Variants in SLC2A1 observed in about 807,000 individuals in gnomAD.
SLC2A1 encodes the protein solute carrier family 2, facilitated glucose transporter member 1.
Under a neutral mutation model 46.6 loss-of-function variants are expected in SLC2A1, and 4 were observed. The ratio of observed to expected loss-of-function variants is 0.09; its 90% CI spans 0.04 to 0.20. The LOEUF (loss-of-function observed/expected upper bound fraction) is 0.20. Among genes scored for constraint, SLC2A1 ranks in the 10% least tolerant of loss-of-function variants. The probability of loss-of-function intolerance (pLI) is 1.00; values close to 1 mark genes in which losing one functional copy is unlikely to be tolerated. For synonymous variants in SLC2A1, 253 were observed against 270.0 expected (o/e 0.94, Z 0.62); for missense variants, 352 against 667.0 (o/e 0.53, Z 5.20).
intron 1 of SLC2A1, among the ~76,000 whole-genome samples, chr1:42,945,900 A>G (rs1643650680): frequency 6.6e-6 from 1 of 152,224 alleles, no homozygotes; most frequent in African/African-American, 2.4e-5. Flanking sequence ...GGAATCACCT[A>G]TTCAAAATAA....
At chr1:42,949,689 A>AGCT (rs1177701213) in intron 1 of SLC2A1, among the ~76,000 whole-genome samples, 6 of 152,266 alleles carry the variant, frequency 3.9e-5, no homozygotes, top group Admixed American at 2.0e-4. Flanking sequence ...CAGCAGCAGC[A>AGCT]GCGAGCTGAG....
intron 2 of SLC2A1, among the ~76,000 whole-genome samples, chr1:42,932,810 G>C (rs1294798995): frequency 6.6e-6 from 1 of 152,196 alleles, no homozygotes; most frequent in African/African-American, 2.4e-5. Context: ...TGGGTGCTCA[G>C]CCTCTAGCCA....
intron 1 of SLC2A1, among the ~76,000 whole-genome samples, chr1:42,946,687 G>C (rs1234361919): frequency 1.4e-5 from 2 of 144,192 alleles, no homozygotes; most frequent in Non-Finnish European, 3.1e-5. Flanking sequence ...AAGAAATGGG[G>C]ACCAGTCAGA....
rs763741078 is a variant in SLC2A1, at chr1:42,929,837, CAG to C, written c.679+34_679+35del. On this transcript the variant is annotated intron_variant, in intron 5 of 9. Transcript: ENST00000426263. The surrounding 1 kb of genome is among the most constrained non-coding windows in gnomAD (Gnocchi z 6.0). ...TCAGAGTGGGAAGAAGGCCAGGGCT[CAG>C]GGAGTGGGGAGGAGGGCAGGGCCAT... The C allele has an allele frequency of 5.6e-5, 91 of 1,613,978 alleles. No individual in the cohort carries two copies. The highest frequency in any genetic ancestry group is 7.5e-5 in the Non-Finnish European group (88 of 1,180,002).
rs149912919 is a variant in SLC2A1, at chr1:42,926,549, C to T, written c.*492G>A. The T allele has an allele frequency of 1.8e-5, 7 of 381,984 alleles. No homozygotes were observed. The East Asian group carries it at 4.6e-4, about 25-fold the overall frequency. 23.7% of individuals were successfully genotyped at this position (381,984 alleles called of 1,614,324 possible). A position where few individuals can be genotyped will look rare whatever the true frequency, so the allele number is the denominator to read the frequency against. On this transcript the variant is annotated 3_prime_UTR_variant, in exon 10 of 10. Coordinates refer to ENST00000426263, the MANE Select transcript of SLC2A1 (RefSeq NM_006516.4). Reference sequence around the variant, plus strand: ...GGGCAAATCCTAATGGAGCCTGACCCCTAGAGTGGGGAGATCCAGGCCAGC... The same window carrying T: ...GGGCAAATCCTAATGGAGCCTGACCTCTAGAGTGGGGAGATCCAGGCCAGC...
At chr1:42,950,932 G>A (rs1430493858) in intron 1 of SLC2A1, among the ~76,000 whole-genome samples, 9 of 152,144 alleles carry the variant, frequency 5.9e-5, no homozygotes, top group African/African-American at 1.9e-4. Context: ...CCGAGATCGC[G>A]CCATTGCACT....
chr1:42,943,201 A>G, intron 2 of SLC2A1, 25 bp downstream of exon 2: 1 of 1,515,360 alleles, frequency 6.6e-7, no homozygotes, highest in South Asian at 1.1e-5. Context: ...TGGTGTCCAT[A>G]AGCCAACGAT....
intron 1 of SLC2A1, among the ~76,000 whole-genome samples, chr1:42,945,756 A>T (rs1305432506): frequency 6.6e-6 from 1 of 151,310 alleles, no homozygotes; most frequent in Non-Finnish European, 1.5e-5. Flanking sequence ...AAAAAAAACA[A>T]AAAACAAAAA....
chr1:42,926,903 C>A lies in SLC2A1; in HGVS notation c.*138G>T. Reference sequence around the variant, plus strand: ...AAGTCCTGAATATTCTTCTGGACATCATTGCTGGCTGGAGAAAGGAGCCCC... The same window carrying A: ...AAGTCCTGAATATTCTTCTGGACATAATTGCTGGCTGGAGAAAGGAGCCCC... On this transcript the variant is annotated 3_prime_UTR_variant, in exon 10 of 10. Transcript: ENST00000426263. 6.6e-7 allele frequency: 1 copy of A among 1,511,522 alleles called. No homozygotes were observed. The highest frequency in any genetic ancestry group is 8.8e-7 in the Non-Finnish European group (1 of 1,136,582). 93.6% of individuals were successfully genotyped at this position (1,511,522 alleles called of 1,614,324 possible). A position where few individuals can be genotyped will look rare whatever the true frequency, so the allele number is the denominator to read the frequency against.
In SLC2A1 at chr1:42,954,244, C is replaced by T. The variant is rs1188332689; in HGVS notation, c.18+4390G>A. The stretch of plus-strand genomic sequence containing the variant: ...AAAAAAAAAACACAGCTAGGCCAGG[C>T]GCGGTGGCTCACACCTGTAATCCCA... On this transcript the variant is annotated intron_variant, in intron 1 of 9. Transcript: ENST00000426263. This position sits in a 1 kb window ranked among gnomAD's most constrained non-coding sequence, Gnocchi z 4.2. Among the ~76,000 whole-genome samples, 2 of 151,992 alleles carry T rather than the reference C, an allele frequency of 1.3e-5. No homozygotes were observed. The highest frequency in any genetic ancestry group is 6.6e-5 in the Admixed American group (1 of 15,254).
rs936958210 is a variant in SLC2A1 at position 42,954,807 on chromosome 1, G to A, written c.18+3827C>T. Among the ~76,000 whole-genome samples, 1 of 152,232 alleles carries A rather than the reference G, an allele frequency of 6.6e-6. No individual in the cohort carries two copies. Among genetic ancestry groups the A allele is most frequent in the African/African-American group, 2.4e-5 (1 of 41,448 alleles). ...TCACTGTAACTTGTATCACAGGGCA[G>A]TTGTGAGGACCCTTGGAGTTAATGG... On this transcript the variant is annotated intron_variant, in intron 1 of 9. Transcript: ENST00000426263. The surrounding 1 kb of genome is among the most constrained non-coding windows in gnomAD (Gnocchi z 4.2).
rs746091725 is a variant in SLC2A1 at position 42,929,229 on chromosome 1, G to T, written c.953C>A (p.Thr318Lys). ...ACTCACCGACACGACAGTGAAGGCC[G>T]TGTTGACGATACCGGAGCCAATGGT... ...YATIGSGIVN[T>K]AFTVVSLFVV... is the part of the protein sequence containing the mutation. The change falls in exon 7 of 10, where the codon ACG (threonine) becomes AAG (lysine). Residue 318 changes from threonine (T) to lysine (K), a missense_variant. This residue lies in a region of SLC2A1 where 167 missense variants were observed against 280.8 expected (regional missense o/e 0.59). Coordinates refer to ENST00000426263, the MANE Select transcript of SLC2A1 (RefSeq NM_006516.4). The surrounding 1 kb of genome is among the most constrained non-coding windows in gnomAD (Gnocchi z 6.0). 6.2e-7 allele frequency: 1 copy of T among 1,613,992 alleles called. No homozygotes were observed. Among genetic ancestry groups the T allele is most frequent in the African/African-American group, 1.3e-5 (1 of 75,044 alleles).
intron 1 of SLC2A1, among the ~76,000 whole-genome samples, chr1:42,946,905 T>A (rs1308062330): frequency 3.3e-5 from 5 of 152,222 alleles, no homozygotes; most frequent in African/African-American, 1.2e-4. Context: ...ACCTTGGAGT[T>A]GGATACAAGG....
intron 1 of SLC2A1, among the ~76,000 whole-genome samples, chr1:42,944,812 G>A (rs1426411356): frequency 6.6e-6 from 1 of 152,104 alleles, no homozygotes; most frequent in Non-Finnish European, 1.5e-5. Flanking sequence ...TATTCCACAT[G>A]CTGGGGCTTC....
chr1:42,952,341 G>A (rs750346106), intron 1 of SLC2A1: 6 of 470,074 alleles, frequency 1.3e-5, no homozygotes, highest in South Asian at 3.1e-5. Context: ...GCTGGCTGCC[G>A]GGCCACTCAG....
intron 1 of SLC2A1, among the ~76,000 whole-genome samples, chr1:42,945,442 T>C (rs1342089325): frequency 6.7e-6 from 1 of 149,940 alleles, no homozygotes; most frequent in East Asian, 2.0e-4. Flanking sequence ...AAAAAAAAAA[T>C]TGGCTGGGGG....
intron 1 of SLC2A1, among the ~76,000 whole-genome samples, chr1:42,953,541 G>A (rs1419377590): frequency 6.6e-6 from 1 of 152,222 alleles, no homozygotes; most frequent in African/African-American, 2.4e-5. Flanking sequence ...CAGACTGAGT[G>A]AGCGGCTTTA....
rs958754389 is a variant in SLC2A1, at chr1:42,954,294, G to A, written c.18+4340C>T. On this transcript the variant is annotated intron_variant, in intron 1 of 9. Coordinates refer to ENST00000426263, the MANE Select transcript of SLC2A1 (RefSeq NM_006516.4). The surrounding 1 kb of genome is among the most constrained non-coding windows in gnomAD (Gnocchi z 4.2). ...AGCACTTTGGGAGGCCGAGGTGGGCGGATCACCTGAGGTCTGGAGTTCGAG... is the reference window on the plus strand; with the variant it reads ...AGCACTTTGGGAGGCCGAGGTGGGCAGATCACCTGAGGTCTGGAGTTCGAG... 2.0e-5 allele frequency among the ~76,000 whole-genome samples: 3 copies of A among 152,026 alleles called. No homozygotes were observed. The highest frequency in any genetic ancestry group is 6.6e-5 in the Admixed American group (1 of 15,262).
At chr1:42,947,581 C>CAAAAAAAAAAAAAAAA (rs144784155) in intron 1 of SLC2A1, among the ~76,000 whole-genome samples, 1 of 55,830 alleles carries the variant, frequency 1.8e-5, no homozygotes, top group Non-Finnish European at 3.1e-5. Context: ...CACACACACA[C>CAAAAAAAAAAAAAAAA]AAAAAAAAAA....
Sources: gnomAD v4.1 joint callset for allele counts (sites outside exome capture counted in the v4.1 genomes callset) on GRCh38, gnomAD v4.1.1 for gene constraint, gnomAD v4.1.1 regional missense constraint, Gnocchi (gnomAD v3.1) non-coding constraint, MANE v1.5 for transcripts, NCBI Gene and HGNC (gene_info 2026-07-23, HGNC 2026-07-21) for gene names.